Variants in DSG4 observed in about 807,000 individuals in gnomAD.
DSG4 encodes the protein desmoglein-4.
Under a neutral mutation model 93.1 loss-of-function variants are expected in DSG4, and 87 were observed. That is an observed-to-expected ratio of 0.93 (90% CI 0.79 to 1.12). DSG4 has a LOEUF of 1.12. DSG4 is among the 50% of genes most tolerant of loss of function. DSG4 has a pLI of 0.00. For synonymous variants in DSG4, 432 were observed against 452.9 expected (o/e 0.95, Z 0.59); for missense variants, 1,373 against 1,285.7 (o/e 1.07, Z -1.04).
intron 8 of DSG4, among the ~76,000 whole-genome samples, chr18:31,393,468 G>T (rs2072272150): frequency 6.6e-6 from 1 of 152,148 alleles, no homozygotes; most frequent in South Asian, 2.1e-4. Context: ...GGCAAAGGGG[G>T]AGCCAGTGCA....
intron 1 of DSG4, among the ~76,000 whole-genome samples, chr18:31,381,772 G>T (rs996560959): frequency 1.3e-5 from 2 of 151,562 alleles, no homozygotes; most frequent in Non-Finnish European, 2.9e-5. Flanking sequence ...CAATTCTCCT[G>T]CCTCAGCCTC....
chr18:31,407,015 G>A (rs754368084), intron 12 of DSG4, among the ~76,000 whole-genome samples: 13 of 151,888 alleles, frequency 8.6e-5, no homozygotes, highest in Non-Finnish European at 1.6e-4. Flanking sequence ...TGACCTCGTG[G>A]TCCACCTGCC....
In DSG4 at chr18:31,388,450, C is replaced by A; in HGVS notation, c.300C>A (p.Phe100Leu). 1 of 1,613,534 alleles carries A rather than the reference C, an allele frequency of 6.2e-7. No individual in the cohort carries two copies. Among genetic ancestry groups the A allele is most frequent in the Non-Finnish European group, 8.5e-7 (1 of 1,179,640 alleles). Residue 100 changes from phenylalanine (F) to leucine (L), a missense_variant, in exon 4 of 16, where the codon TTC becomes TTA. Transcript: ENST00000308128. ...TTGATCGACCACCATATGGGGTATT[C>A]ACCATTAATCCTCGCACTGGGGAAA... ...VGIDRPPYGVFTINPRTGEIN... is the reference protein window; with the variant it reads ...VGIDRPPYGVLTINPRTGEIN...
chr18:31,390,194 C>T (rs1002400429), intron 5 of DSG4, among the ~76,000 whole-genome samples: 1 of 152,086 alleles, frequency 6.6e-6, no homozygotes, highest in African/African-American at 2.4e-5. Context: ...GAGTAATTAT[C>T]TGCTTTCTGG....
intron 1 of DSG4, among the ~76,000 whole-genome samples, chr18:31,383,522 T>A (rs1304568726): frequency 6.6e-6 from 1 of 152,156 alleles, no homozygotes. Flanking sequence ...TAGAGTTTTT[T>A]ATCTAGTTTT....
At chr18:31,394,085 T>C (rs190745843) in intron 8 of DSG4, among the ~76,000 whole-genome samples, 1 of 152,212 alleles carries the variant, frequency 6.6e-6, no homozygotes, top group African/African-American at 2.4e-5. Flanking sequence ...AATAGTTTTA[T>C]TGGAATACAA....
chr18:31,411,410 G>C lies in DSG4; in HGVS notation c.2317G>C (p.Asp773His), dbSNP rs1238889385. 2 of 1,611,338 alleles carry C rather than the reference G, an allele frequency of 1.2e-6. No individual in the cohort carries two copies. The highest frequency in any genetic ancestry group is 1.7e-5 in the Admixed American group (1 of 59,842). ...AACCCTGCGGGACTACGCTGACGCAGACATCAACATGGCTTTCTTGGACAG... is the reference window on the plus strand; with the variant it reads ...AACCCTGCGGGACTACGCTGACGCACACATCAACATGGCTTTCTTGGACAG... ...MGTLRDYADADINMAFLDSYF... is the reference protein window; with the variant it reads ...MGTLRDYADAHINMAFLDSYF... The change falls in exon 15 of 16, where the codon GAC becomes CAC. Residue 773 changes from aspartate (D) to histidine (H), a missense_variant. Asp to His is a moderately conservative substitution (Grantham distance 81). Transcript: ENST00000308128.
At chr18:31,381,937 G>A (rs367992808) in intron 1 of DSG4, among the ~76,000 whole-genome samples, 2 of 151,738 alleles carry the variant, frequency 1.3e-5, no homozygotes, top group African/African-American at 4.8e-5. Context: ...CCAAAGTGCT[G>A]GGATTACAGG....
chr18:31,397,514 C>G (rs1249750073), intron 8 of DSG4, among the ~76,000 whole-genome samples: 1 of 152,064 alleles, frequency 6.6e-6, no homozygotes, highest in Non-Finnish European at 1.5e-5. Flanking sequence ...AATTTTATGC[C>G]TTTCCTCTAT....
At chr18:31,401,172 A>G in intron 10 of DSG4, 152 bp downstream of exon 10, 1 of 605,006 alleles carries the variant, frequency 1.7e-6, no homozygotes, top group East Asian at 3.1e-5. Flanking sequence ...TCAAGAATTG[A>G]AGTCAATTAA....
intron 7 of DSG4, among the ~76,000 whole-genome samples, chr18:31,391,684 A>G (rs1261799570): frequency 2.0e-5 from 3 of 148,200 alleles, no homozygotes; most frequent in East Asian, 1.9e-4. Flanking sequence ...ACAAAAAAAC[A>G]AAACAAAAAA....
chr18:31,387,483 G>C (rs2072200516), intron 3 of DSG4, among the ~76,000 whole-genome samples: 1 of 152,120 alleles, frequency 6.6e-6, no homozygotes, highest in African/African-American at 2.4e-5. Context: ...CAAGAAAACA[G>C]ATGTATTCTC....
chr18:31,388,492 G>A lies in DSG4; in HGVS notation c.342G>A (p.Val114=), dbSNP rs1460836570. 1 of 1,613,306 alleles carries A rather than the reference G, an allele frequency of 6.2e-7. No individual in the cohort carries two copies. Among genetic ancestry groups the A allele is most frequent in the Admixed American group, 1.7e-5 (1 of 59,936 alleles). The part of the protein sequence containing the change: ...PRTGEINITS[V]VDREITPLFL... Reference sequence around the variant, plus strand: ...CTGGGGAAATTAACATCACTTCAGTGGTAGACAGAGAAATAACTCCACTTT... The same window carrying A: ...CTGGGGAAATTAACATCACTTCAGTAGTAGACAGAGAAATAACTCCACTTT... Residue 114 remains valine (V), a synonymous_variant, in exon 4 of 16, where the codon GTG becomes GTA. Coordinates refer to ENST00000308128, the MANE Select transcript of DSG4 (RefSeq NM_177986.5).
intron 1 of DSG4, among the ~76,000 whole-genome samples, chr18:31,379,796 C>G (rs193029462): frequency 3.3e-5 from 5 of 152,244 alleles, no homozygotes; most frequent in Admixed American, 2.6e-4. Context: ...AAACATGGAA[C>G]AGAAATTTGT....
intron 1 of DSG4, among the ~76,000 whole-genome samples, chr18:31,377,765 A>C (rs2072091966): frequency 6.6e-6 from 1 of 152,208 alleles, no homozygotes; most frequent in South Asian, 2.1e-4. Context: ...TGGGAGGGTA[A>C]GAGGACAGGA....
At chr18:31,384,515 T>C (rs1454061273) in intron 1 of DSG4, among the ~76,000 whole-genome samples, 1 of 152,182 alleles carries the variant, frequency 6.6e-6, no homozygotes, top group African/African-American at 2.4e-5. Flanking sequence ...GAAGGGATAA[T>C]TCATCAATAG....
chr18:31,399,198 T>C, intron 8 of DSG4, 74 bp from the exon 9 acceptor site: 1 of 1,596,336 alleles, frequency 6.3e-7, no homozygotes, highest in Non-Finnish European at 8.6e-7. Flanking sequence ...TGTGGTTTGC[T>C]TTACCATGGC....
In DSG4 at chr18:31,411,451, A is replaced by C; in HGVS notation, c.2355+3A>C. 6.2e-7 allele frequency: 1 copy of C among 1,612,374 alleles called. No homozygotes were observed. Among genetic ancestry groups the C allele is most frequent in the Non-Finnish European group, 8.5e-7 (1 of 1,179,974 alleles). On this transcript the variant is annotated splice_donor_region_variant and intron_variant, in intron 15 of 15. Coordinates refer to ENST00000308128, the MANE Select transcript of DSG4 (RefSeq NM_177986.5). ...TCTTGGACAGCTACTTCTCGGAGGT[A>C]ATGCCCTCACAGTCACACATAAAAT...
chr18:31,378,690 A>C (rs1194120699), intron 1 of DSG4, among the ~76,000 whole-genome samples: 1 of 152,098 alleles, frequency 6.6e-6, no homozygotes, highest in Admixed American at 6.5e-5. Flanking sequence ...AAGTTCTTTA[A>C]GTATTTTTTT....
Sources: gnomAD v4.1 joint callset for allele counts (sites outside exome capture counted in the v4.1 genomes callset) on GRCh38, gnomAD v4.1.1 for gene constraint, MANE v1.5 for transcripts, NCBI Gene and HGNC (gene_info 2026-07-23, HGNC 2026-07-21) for gene names.